The following TSPAN2 variants were observed in gnomAD, a reference collection of about 807,000 sequenced individuals.
TSPAN2 encodes the protein tetraspanin-2.
Under a neutral mutation model 33.3 loss-of-function variants are expected in TSPAN2, and 24 were observed. The observed-to-expected ratio is 0.72, with a 90% CI of 0.52 to 1.01. The LOEUF (loss-of-function observed/expected upper bound fraction) is 1.01, where lower values mean the gene tolerates loss of function less well. TSPAN2 is among the 50% of genes least tolerant of loss of function. TSPAN2 has a pLI of 0.00. For missense variants in TSPAN2, 278 were observed against 281.3 expected, an observed-to-expected ratio of 0.99 and a Z score of 0.08; for synonymous variants, 114 against 104.5, an observed-to-expected ratio of 1.09 and a Z score of -0.56.
At chr1:115,088,473 A>C (rs531810793) in intron 1 of TSPAN2, among the ~76,000 whole-genome samples, 1 of 152,084 alleles carries the variant, frequency 6.6e-6, no homozygotes, top group Non-Finnish European at 1.5e-5. Flanking sequence ...CAATTTTCAG[A>C]CCTTGTCTCA....
At chr1:115,086,643 C>T (rs769589717) in intron 1 of TSPAN2, among the ~76,000 whole-genome samples, 1 of 152,198 alleles carries the variant, frequency 6.6e-6, no homozygotes, top group Non-Finnish European at 1.5e-5. Context: ...ACTGTGCTTA[C>T]GGTCAACAGT....
At chr1:115,068,108 TG>T (rs1170654354) in intron 2 of TSPAN2, among the ~76,000 whole-genome samples, 1 of 152,108 alleles carries the variant, frequency 6.6e-6, no homozygotes, top group Non-Finnish European at 1.5e-5. Context: ...ACAGAGACTT[TG>T]GAAGGGCCTC....
rs183791456 is a variant in TSPAN2 at position 115,074,815 on chromosome 1, A to G, written c.70-1808T>C. 5.3e-5 allele frequency among the ~76,000 whole-genome samples: 8 copies of G among 152,250 alleles called. No homozygotes were observed. The East Asian group carries it at 1.6e-3, about 30-fold the overall frequency. On this transcript the variant is annotated intron_variant, in intron 1 of 7. Transcript: ENST00000369516. ...TTAACTTGGGAGGACACCAGCTTTGAGGTCCTTGCTGTTCCTGTGTAGGAA... is the reference window on the plus strand; with the variant it reads ...TTAACTTGGGAGGACACCAGCTTTGGGGTCCTTGCTGTTCCTGTGTAGGAA...
chr1:115,056,198 TTGCTA>T (rs1319785685), intron 6 of TSPAN2, among the ~76,000 whole-genome samples: 1 of 152,220 alleles, frequency 6.6e-6, no homozygotes, highest in Non-Finnish European at 1.5e-5. Flanking sequence ...TCATTTTAAT[TTGCTA>T]TTGATTTTAA....
rs759821939 is a variant in TSPAN2 at position 115,062,180 on chromosome 1, G to A, written c.225C>T (p.Phe75=). The A allele has an allele frequency of 6.4e-6, 10 of 1,565,746 alleles. No homozygotes were observed. The highest frequency in any genetic ancestry group is 2.7e-5 in the African/African-American group (2 of 73,058). The part of the protein sequence containing the change: ...AGALMMAVGF[F]GCCGAMRESQ... ...ACTCCCGCATGGCTCCGCAGCACCCGAAGAACCCCACGGCCATCATCAGGG... is the reference window on the plus strand; with the variant it reads ...ACTCCCGCATGGCTCCGCAGCACCCAAAGAACCCCACGGCCATCATCAGGG... The change falls in exon 3 of 8, where the codon TTC becomes TTT. Residue 75 remains phenylalanine, a synonymous_variant. Coordinates refer to ENST00000369516, the MANE Select transcript of TSPAN2 (RefSeq NM_005725.6).
At position 115,089,484 on chromosome 1, in the gene TSPAN2, G is replaced by C. The variant is rs952453200; in HGVS notation, c.-52C>G. 2.2e-6 allele frequency: 3 copies of C among 1,363,444 alleles called. No individual in the cohort carries two copies. The highest frequency in any genetic ancestry group is 2.9e-5 in the Admixed American group (1 of 34,202). 84.5% of individuals were successfully genotyped at this position (1,363,444 alleles called of 1,614,324 possible). A position where few individuals can be genotyped will look rare whatever the true frequency, so the allele number is the denominator to read the frequency against. On this transcript the variant is annotated 5_prime_UTR_variant, in exon 1 of 8. Coordinates refer to ENST00000369516, the MANE Select transcript of TSPAN2 (RefSeq NM_005725.6). ...GTCCCCAGGCCCGCGCTACGAGCGC[G>C]GGGAGCGGCAGGCTCCGGCGGGGAG...
chr1:115,059,461 A>G (rs1370709612), intron 4 of TSPAN2, among the ~76,000 whole-genome samples: 2 of 152,226 alleles, frequency 1.3e-5, no homozygotes, highest in African/African-American at 4.8e-5. Context: ...TTCAGCATCA[A>G]CTGGGCCCCA....
chr1:115,076,474 G>C (rs890733729), intron 1 of TSPAN2, among the ~76,000 whole-genome samples: 2 of 152,150 alleles, frequency 1.3e-5, no homozygotes, highest in African/African-American at 2.4e-5. Context: ...GGAGCCAAAG[G>C]GAAAGGCTTG....
At chr1:115,083,817 T>G (rs1211132918) in intron 1 of TSPAN2, among the ~76,000 whole-genome samples, 1 of 152,290 alleles carries the variant, frequency 6.6e-6, no homozygotes, top group East Asian at 1.9e-4. Context: ...TTAACTCTAT[T>G]AGGTACTGAG....
At chr1:115,077,992 G>A (rs1648483682) in intron 1 of TSPAN2, among the ~76,000 whole-genome samples, 1 of 152,168 alleles carries the variant, frequency 6.6e-6, no homozygotes, top group Admixed American at 6.5e-5. Context: ...CCCCTTTGGG[G>A]GTAAAAAGCA....
At chr1:115,081,437 C>T (rs1648619137) in intron 1 of TSPAN2, among the ~76,000 whole-genome samples, 1 of 152,230 alleles carries the variant, frequency 6.6e-6, no homozygotes, top group Non-Finnish European at 1.5e-5. Flanking sequence ...TATCTGCCAA[C>T]TGTTCTTCTA....
rs1160512756 is a variant in TSPAN2, at chr1:115,049,319, T to G, written c.*1171A>C. The G allele has an allele frequency of 6.6e-6, 1 of 152,648 alleles. No individual in the cohort carries two copies. Among genetic ancestry groups the G allele is most frequent in the East Asian group, 1.9e-4 (1 of 5,200 alleles). The allele number at this position is 152,648 out of a possible 1,614,324, so 9.5% of individuals were successfully genotyped here. A position where few individuals can be genotyped will look rare whatever the true frequency, so the allele number is the denominator to read the frequency against. On this transcript the variant is annotated 3_prime_UTR_variant, in exon 8 of 8. Coordinates refer to ENST00000369516, the MANE Select transcript of TSPAN2 (RefSeq NM_005725.6). ...TTTTGTTTCCTTAACTTGTTTCTGT[T>G]GCCCACACACAACTAGGAGAAGATG...
intron 1 of TSPAN2, among the ~76,000 whole-genome samples, chr1:115,080,267 G>A (rs188648655): frequency 7.0e-4 from 106 of 152,224 alleles, no homozygotes; most frequent in Admixed American, 2.5e-3. Flanking sequence ...GGAGAAAGAC[G>A]ATGGCTGTGT....
chr1:115,050,593 G>A (rs747570299), intron 7 of TSPAN2, 38 bp from the exon 8 acceptor site: 20 of 1,578,016 alleles, frequency 1.3e-5, no homozygotes, highest in Middle Eastern at 1.7e-4. Flanking sequence ...ACTTTGAAAC[G>A]GGTACTGATA....
intron 1 of TSPAN2, among the ~76,000 whole-genome samples, chr1:115,074,742 T>A (rs527724381): frequency 6.6e-6 from 1 of 152,284 alleles, no homozygotes; most frequent in African/African-American, 2.4e-5. Flanking sequence ...CACGGTAGTT[T>A]CTATGTGCAA....
At chr1:115,081,234 T>C in intron 1 of TSPAN2, among the ~76,000 whole-genome samples, 1 of 152,274 alleles carries the variant, frequency 6.6e-6, no homozygotes, top group African/African-American at 2.4e-5. Context: ...GGTGCAGCAC[T>C]GGTCCATTCA....
At chr1:115,062,361 TGTTTGACACGGA>T in intron 2 of TSPAN2, 129 bp from the exon 3 acceptor site, 1 of 674,174 alleles carries the variant, frequency 1.5e-6, no homozygotes, top group East Asian at 3.0e-5. Context: ...CTTACTGCCA[TGTTTGACACGGA>T]GGAACTGGGC....
intron 5 of TSPAN2, chr1:115,058,542 CACT>C: frequency 3.4e-6 from 1 of 291,998 alleles, no homozygotes; most frequent in Non-Finnish European, 6.3e-6. Flanking sequence ...TTACAGGTCA[CACT>C]TGTTTCTGTT....
intron 2 of TSPAN2, among the ~76,000 whole-genome samples, chr1:115,067,368 TC>T (rs1401383098): frequency 6.6e-6 from 1 of 152,206 alleles, no homozygotes; most frequent in Non-Finnish European, 1.5e-5. Context: ...GAGCCAGAAA[TC>T]CAGGCCTGCC....
Sources: allele counts gnomAD v4.1 joint callset (sites outside exome capture counted in the v4.1 genomes callset), GRCh38; gene constraint gnomAD v4.1.1; transcripts MANE v1.5; gene names NCBI Gene and HGNC (gene_info 2026-07-23, HGNC 2026-07-21).